ARHGAP42: variants seen among roughly 807,000 people sequenced by gnomAD.
ARHGAP42 encodes rho GTPase-activating protein 42.
A neutral mutation model predicts 125.0 loss-of-function variants in ARHGAP42; 63 were observed. The observed-to-expected ratio is 0.50, with a 90% CI of 0.41 to 0.62. The LOEUF (loss-of-function observed/expected upper bound fraction) is 0.62. Among genes scored for constraint, ARHGAP42 ranks in the 20% least tolerant of loss-of-function variants. The pLI is 0.00. For synonymous variants in ARHGAP42, 339 were observed against 351.0 expected, an observed-to-expected ratio of 0.97 and a Z score of 0.38; for missense variants, 766 against 1,024.2, an observed-to-expected ratio of 0.75 and a Z score of 3.44.
At chr11:100,870,797 A>G (rs1303794803) in intron 4 of ARHGAP42, among the ~76,000 whole-genome samples, 1 of 152,218 alleles carries the variant, frequency 6.6e-6, no homozygotes, top group Non-Finnish European at 1.5e-5. Context: ...AGTGCTCATC[A>G]TTTGATGTTA....
intron 3 of ARHGAP42, among the ~76,000 whole-genome samples, chr11:100,807,908 G>A (rs1425702618): frequency 6.6e-6 from 1 of 152,202 alleles, no homozygotes; most frequent in Non-Finnish European, 1.5e-5. Context: ...GGAAGTGCTA[G>A]TCTTTATTCC....
At chr11:100,714,968 A>C (rs1861631075) in intron 1 of ARHGAP42, among the ~76,000 whole-genome samples, 1 of 146,604 alleles carries the variant, frequency 6.8e-6, no homozygotes, top group Non-Finnish European at 1.5e-5. Context: ...GGATCACCTG[A>C]GCCTGAGAAA....
intron 4 of ARHGAP42, among the ~76,000 whole-genome samples, chr11:100,881,017 T>A (rs1865947892): frequency 6.6e-6 from 1 of 152,180 alleles, no homozygotes; most frequent in Non-Finnish European, 1.5e-5. Flanking sequence ...TTGTGAAGAT[T>A]TTCTGCCACC....
At position 100,891,513 on chromosome 11, in the gene ARHGAP42, G is replaced by A. The variant is rs767219838; in HGVS notation, c.385-21939G>A. On this transcript the variant is annotated intron_variant, in intron 4 of 23. Coordinates refer to ENST00000298815, the MANE Select transcript of ARHGAP42 (RefSeq NM_152432.4). ...GCTGGAGTGCAATGGTGCAATCTTG[G>A]CTTGCTGCAACCTCTGCCTCCTGGG... 1.8e-4 allele frequency among the ~76,000 whole-genome samples: 27 copies of A among 147,188 alleles called. No homozygotes were observed. In the South Asian group the frequency reaches 3.2e-3, roughly 18 times the overall value.
chr11:100,909,550 G>A (rs1866852583), intron 4 of ARHGAP42, among the ~76,000 whole-genome samples: 2 of 152,028 alleles, frequency 1.3e-5, no homozygotes, highest in African/African-American at 4.8e-5. Flanking sequence ...CATCATGTTG[G>A]CCATGCTGGT....
intron 1 of ARHGAP42, among the ~76,000 whole-genome samples, chr11:100,731,947 T>G (rs1312133486): frequency 6.6e-6 from 1 of 151,934 alleles, no homozygotes; most frequent in East Asian, 1.9e-4. Context: ...TTTAACTCTT[T>G]TTTTTTTCTT....
chr11:100,897,792 A>C (rs1044700019), intron 4 of ARHGAP42, among the ~76,000 whole-genome samples: 1 of 152,182 alleles, frequency 6.6e-6, no homozygotes, highest in Non-Finnish European at 1.5e-5. Flanking sequence ...GCAAACAGGG[A>C]CAATTTGACT....
chr11:100,704,553 T>C (rs1861447592), intron 1 of ARHGAP42, among the ~76,000 whole-genome samples: 1 of 152,154 alleles, frequency 6.6e-6, no homozygotes, highest in South Asian at 2.1e-4. Context: ...AAATTAGAAA[T>C]CTGTGAGTAT....
At chr11:100,806,483 G>A (rs1271583935) in intron 3 of ARHGAP42, among the ~76,000 whole-genome samples, 1 of 152,058 alleles carries the variant, frequency 6.6e-6, no homozygotes, top group Non-Finnish European at 1.5e-5. Flanking sequence ...AATTCCACAT[G>A]TATGAAAACG....
intron 4 of ARHGAP42, among the ~76,000 whole-genome samples, chr11:100,891,468 G>T (rs1040324094): frequency 7.6e-6 from 1 of 132,180 alleles, no homozygotes; most frequent in South Asian, 2.4e-4. Context: ...TTGAGATGGA[G>T]TCTTGCTTTT....
At chr11:100,731,062 G>T (rs1327808492) in intron 1 of ARHGAP42, among the ~76,000 whole-genome samples, 5 of 151,180 alleles carry the variant, frequency 3.3e-5, no homozygotes, top group African/African-American at 1.2e-4. Context: ...GTTTTGTTTT[G>T]TTTTTACCTT....
intron 1 of ARHGAP42, among the ~76,000 whole-genome samples, chr11:100,720,489 TAAC>T (rs2120267084): frequency 1.3e-5 from 2 of 152,208 alleles, no homozygotes; most frequent in East Asian, 3.9e-4. Flanking sequence ...TATTTAATAA[TAAC>T]AACTGGTTTT....
intron 12 of ARHGAP42, among the ~76,000 whole-genome samples, chr11:100,952,208 T>C (rs929440377): frequency 6.6e-6 from 1 of 152,194 alleles, no homozygotes; most frequent in East Asian, 1.9e-4. Flanking sequence ...TTTCACTTTA[T>C]TTTGTTTTCA....
rs534340425 is a variant in ARHGAP42, at chr11:100,731,874, T to C, written c.155-38469T>C. Among the ~76,000 whole-genome samples the C allele has an allele frequency of 1.2e-4, 18 of 152,288 alleles. No homozygotes were observed. The South Asian group carries it at 3.7e-3, about 32-fold the overall frequency. On this transcript the variant is annotated intron_variant, in intron 1 of 23. Coordinates refer to ENST00000298815, the MANE Select transcript of ARHGAP42 (RefSeq NM_152432.4). Reference sequence around the variant, plus strand: ...CACCATCTCAAAGAAAGTTGAACAGTTTCCTTGTTGCCTTTTCCATGTTTT... The same window carrying C: ...CACCATCTCAAAGAAAGTTGAACAGCTTCCTTGTTGCCTTTTCCATGTTTT...
chr11:100,879,300 C>G (rs1369826558), intron 4 of ARHGAP42, among the ~76,000 whole-genome samples: 1 of 152,032 alleles, frequency 6.6e-6, no homozygotes. Flanking sequence ...GGGGGGTTAT[C>G]CTTGGTTTTT....
chr11:100,779,467 AATAT>A (rs1554996405), intron 2 of ARHGAP42, among the ~76,000 whole-genome samples: 13 of 85,670 alleles, frequency 1.5e-4, no homozygotes, highest in African/African-American at 5.8e-4. Flanking sequence ...AAAAAAAAAA[AATAT>A]ATATATATAT....
At chr11:100,961,577 TG>T in intron 14 of ARHGAP42, 106 bp from the exon 15 acceptor site, 3 of 903,900 alleles carry the variant, frequency 3.3e-6, no homozygotes. Flanking sequence ...TTCTAAGAAA[TG>T]AATACCTCTC....
chr11:100,942,950 C>A (rs1289055132), intron 9 of ARHGAP42, among the ~76,000 whole-genome samples: 1 of 152,030 alleles, frequency 6.6e-6, no homozygotes, highest in African/African-American at 2.4e-5. Context: ...TTCTATTAAT[C>A]AATTGATGAC....
intron 22 of ARHGAP42, among the ~76,000 whole-genome samples, chr11:100,985,569 G>A (rs1013024641): frequency 2.0e-5 from 3 of 152,174 alleles, no homozygotes; most frequent in Admixed American, 6.6e-5. Flanking sequence ...CCACGTGCAT[G>A]TGTTCATGTG....
Sources: allele counts gnomAD v4.1 joint callset (sites outside exome capture counted in the v4.1 genomes callset), GRCh38; gene constraint gnomAD v4.1.1; transcripts MANE v1.5; gene names NCBI Gene and HGNC (gene_info 2026-07-23, HGNC 2026-07-21).